KIF5C: variants seen among roughly 807,000 people sequenced by gnomAD.
KIF5C encodes the protein kinesin heavy chain isoform 5C.
A neutral mutation model predicts 125.2 loss-of-function variants in KIF5C; 18 were observed. The ratio of observed to expected loss-of-function variants is 0.14; its 90% confidence interval spans 0.10 to 0.21. The LOEUF (loss-of-function observed/expected upper bound fraction) is 0.21. Ranked by LOEUF, KIF5C falls within the 10% of genes least tolerant of loss-of-function variation. The pLI is 1.00. For missense variants in KIF5C, 780 were observed against 1,183.8 expected, an observed-to-expected ratio of 0.66 and a Z score of 5.01; for synonymous variants, 405 against 434.0, an observed-to-expected ratio of 0.93 and a Z score of 0.83.
intron 6 of KIF5C, 51 bp from the exon 7 acceptor site, chr2:148,942,622 T>C (rs1682433822): frequency 1.3e-6 from 2 of 1,566,350 alleles, no homozygotes; most frequent in Non-Finnish European, 1.7e-6. Context: ...TTTCAAAATA[T>C]TGTTGCTTTT....
At chr2:148,960,271 G>A (rs1456008843) in intron 10 of KIF5C, among the ~76,000 whole-genome samples, 1 of 152,224 alleles carries the variant, frequency 6.6e-6, no homozygotes, top group African/African-American at 2.4e-5. Flanking sequence ...ATCATGTGAA[G>A]TTATCAAGGG....
intron 1 of KIF5C, among the ~76,000 whole-genome samples, chr2:148,898,947 A>T (rs1346927121): frequency 6.6e-6 from 1 of 152,252 alleles, no homozygotes; most frequent in African/African-American, 2.4e-5. Context: ...ACGAATGTTC[A>T]TGAGCTATTC....
chr2:148,925,688 A>G (rs1253406232), intron 2 of KIF5C, among the ~76,000 whole-genome samples: 1 of 152,092 alleles, frequency 6.6e-6, no homozygotes, highest in Non-Finnish European at 1.5e-5. Context: ...TTTGATGACA[A>G]TTATTTTATG....
chr2:148,994,471 G>A lies in KIF5C; in HGVS notation c.1956G>A (p.Gln652=). ...SLTDYMQNME[Q]KRRQLEESQD... is the part of the protein sequence containing the mutation. ...CAGACTACATGCAGAACATGGAACA[G>A]AAGAGGAGGCAGCTAGAAGAGTCCC... Residue 652 remains glutamine (Q), a synonymous_variant, in exon 17 of 26, where the codon CAG becomes CAA. Coordinates refer to ENST00000435030, the MANE Select transcript of KIF5C (RefSeq NM_004522.3). The A allele has an allele frequency of 6.3e-7, 1 of 1,577,526 alleles. No individual in the cohort carries two copies. Among genetic ancestry groups the A allele is most frequent in the South Asian group, 1.2e-5 (1 of 85,622 alleles).
At chr2:148,905,516 G>A (rs1681070380) in intron 1 of KIF5C, among the ~76,000 whole-genome samples, 1 of 152,168 alleles carries the variant, frequency 6.6e-6, no homozygotes, top group Non-Finnish European at 1.5e-5. Flanking sequence ...CTGGCATAAT[G>A]AGAAGTGAGA....
At chr2:148,994,054 G>A (rs959116225) in intron 16 of KIF5C, among the ~76,000 whole-genome samples, 1 of 152,178 alleles carries the variant, frequency 6.6e-6, no homozygotes, top group South Asian at 2.1e-4. Context: ...GAATCCAGAG[G>A]TGCATGTTCA....
chr2:149,014,128 G>A (rs1000120883), intron 25 of KIF5C, among the ~76,000 whole-genome samples: 3 of 152,196 alleles, frequency 2.0e-5, no homozygotes, highest in African/African-American at 7.2e-5. Context: ...GGGTTCAAAC[G>A]ATTCTCCTGC....
chr2:148,912,025 T>C (rs562900795), intron 1 of KIF5C, among the ~76,000 whole-genome samples: 3 of 152,286 alleles, frequency 2.0e-5, no homozygotes, highest in East Asian at 1.9e-4. Context: ...AAATGAACAA[T>C]TGGTTTATCT....
chr2:148,922,546 A>G (rs986957523), intron 2 of KIF5C, among the ~76,000 whole-genome samples: 9 of 152,236 alleles, frequency 5.9e-5, no homozygotes, highest in Non-Finnish European at 1.3e-4. Flanking sequence ...GGCTGCAGGT[A>G]TGGAACCTCC....
At chr2:148,948,356 C>CAA (rs1158381843) in intron 8 of KIF5C, among the ~76,000 whole-genome samples, 3 of 78,140 alleles carry the variant, frequency 3.8e-5, no homozygotes, top group Middle Eastern at 5.4e-3. Context: ...GACTCTGTCT[C>CAA]AAAAAAAAAA....
Position 148,933,557 on chromosome 2 carries a change from A to G in KIF5C, c.292-3727A>G, listed in dbSNP as rs1427276199. Among the ~76,000 whole-genome samples, 3 of 150,632 alleles carry G rather than the reference A, an allele frequency of 2.0e-5. No homozygotes were observed. In the East Asian group the frequency reaches 5.9e-4, roughly 30 times the overall value. ...CCATACACCCCCACATACATTGTAC[A>G]TGCACACAGACATATGCATACCACA... On this transcript the variant is annotated intron_variant, in intron 3 of 25. Transcript: ENST00000435030.
At chr2:148,993,896 G>A (rs1039251817) in intron 16 of KIF5C, among the ~76,000 whole-genome samples, 1 of 152,180 alleles carries the variant, frequency 6.6e-6, no homozygotes, top group Non-Finnish European at 1.5e-5. Context: ...AGCTAGCCAA[G>A]GTAGTGTGTG....
chr2:148,920,064 A>C (rs1185778183), intron 1 of KIF5C, among the ~76,000 whole-genome samples: 1 of 152,218 alleles, frequency 6.6e-6, no homozygotes, highest in Non-Finnish European at 1.5e-5. Context: ...CATTCTAATA[A>C]ACATTTTAAA....
Position 149,026,430 on chromosome 2 carries a change from A to G in KIF5C, c.*3360A>G, listed in dbSNP as rs1682686677. 6.6e-6 allele frequency: 1 copy of G among 152,226 alleles called. No homozygotes were observed. The highest frequency in any genetic ancestry group is 2.4e-5 in the African/African-American group (1 of 41,446). The allele number at this position is 152,226 out of a possible 1,614,324, so 9.4% of individuals were successfully genotyped here. On this transcript the variant is annotated 3_prime_UTR_variant, in exon 26 of 26. Transcript: ENST00000435030. Reference sequence around the variant, plus strand: ...TAAGGGGAATAGGGCATTCTGTAGAATTATACATGTCTAGTTTGTAAAGTG... The same window carrying G: ...TAAGGGGAATAGGGCATTCTGTAGAGTTATACATGTCTAGTTTGTAAAGTG...
rs1682622512 is a variant in KIF5C, at chr2:149,024,358, A to G, written c.*1288A>G. The G allele has an allele frequency of 6.6e-6, 1 of 152,196 alleles. No individual in the cohort carries two copies. The highest frequency in any genetic ancestry group is 2.1e-4 in the South Asian group (1 of 4,796). 9.4% of individuals were successfully genotyped at this position (152,196 alleles called of 1,614,324 possible). A position where few individuals can be genotyped will look rare whatever the true frequency, so the allele number is the denominator to read the frequency against. ...CAAATTTGGGGGTAAGTCAATGACAACCAAACCAATCTCGGTGGAAACTCC... is the reference window on the plus strand; with the variant it reads ...CAAATTTGGGGGTAAGTCAATGACAGCCAAACCAATCTCGGTGGAAACTCC... On this transcript the variant is annotated 3_prime_UTR_variant, in exon 26 of 26. Coordinates refer to ENST00000435030, the MANE Select transcript of KIF5C (RefSeq NM_004522.3).
At chr2:148,920,691 G>C (rs1305868085) in intron 1 of KIF5C, among the ~76,000 whole-genome samples, 2 of 152,216 alleles carry the variant, frequency 1.3e-5, no homozygotes, top group African/African-American at 4.8e-5. Flanking sequence ...CTCCAGTTCA[G>C]CTCTACCCAA....
chr2:148,905,408 T>C (rs918001678), intron 1 of KIF5C, among the ~76,000 whole-genome samples: 6 of 152,070 alleles, frequency 3.9e-5, no homozygotes, highest in African/African-American at 1.2e-4. Context: ...GAGGGGCAGA[T>C]GCTTGGAGAG....
intron 15 of KIF5C, among the ~76,000 whole-genome samples, chr2:148,989,411 C>T (rs1681467592): frequency 6.6e-6 from 1 of 151,884 alleles, no homozygotes; most frequent in South Asian, 2.1e-4. Flanking sequence ...GGCATTTGGG[C>T]TGGTTCCATA....
In KIF5C at chr2:148,875,498, T is replaced by C. The variant is rs934214061; in HGVS notation, c.-120T>C. 10 of 811,086 alleles carry C rather than the reference T, an allele frequency of 1.2e-5. No individual in the cohort carries two copies. The African/African-American group carries it at 1.6e-4, about 13-fold the overall frequency. The allele number at this position is 811,086 out of a possible 1,614,324, so 50.2% of individuals were successfully genotyped here. ...GCTCGCGATGACCTGCTGAGAAGCG[T>C]CGTCGGAGGCTGCAGGAGGCGGCCT... is the stretch of plus-strand genomic sequence containing the variant. On this transcript the variant is annotated 5_prime_UTR_variant, in exon 1 of 26. Coordinates refer to ENST00000435030, the MANE Select transcript of KIF5C (RefSeq NM_004522.3).
Sources: allele counts gnomAD v4.1 joint callset (sites outside exome capture counted in the v4.1 genomes callset), GRCh38; gene constraint gnomAD v4.1.1; transcripts MANE v1.5; gene names NCBI Gene and HGNC (gene_info 2026-07-23, HGNC 2026-07-21).